ATP9A: variants seen among roughly 807,000 people sequenced by gnomAD.
The protein encoded by ATP9A is ATPase phospholipid transporting 9A, also known as probable phospholipid-transporting ATPase IIA.
Under a neutral mutation model 144.1 loss-of-function variants are expected in ATP9A, and 52 were observed. The ratio of observed to expected loss-of-function variants is 0.36; its 90% CI spans 0.29 to 0.45. The LOEUF is 0.45. Among genes scored for constraint, ATP9A ranks in the 20% least tolerant of loss-of-function variants. The pLI, the probability that ATP9A is intolerant of heterozygous loss-of-function variation, is 1.00. For missense variants in ATP9A, 947 were observed against 1,392.7 expected, an observed-to-expected ratio of 0.68 and a Z score of 5.09; for synonymous variants, 582 against 557.4, an observed-to-expected ratio of 1.04 and a Z score of -0.62.
At chr20:51,743,609 A>T (rs1237301882) in intron 1 of ATP9A, among the ~76,000 whole-genome samples, 1 of 149,396 alleles carries the variant, frequency 6.7e-6, no homozygotes, top group African/African-American at 2.4e-5. Flanking sequence ...CATATTGGTC[A>T]GGCTGGTCTG....
At chr20:51,633,496 A>G (rs2077278140) in intron 15 of ATP9A, among the ~76,000 whole-genome samples, 1 of 152,240 alleles carries the variant, frequency 6.6e-6, no homozygotes, top group African/African-American at 2.4e-5. Flanking sequence ...CTGTAATCCC[A>G]GTACTTAGGG....
intron 14 of ATP9A, among the ~76,000 whole-genome samples, chr20:51,644,267 C>CTTT (rs772071945): frequency 0.027 from 2,007 of 75,244 alleles, 38 homozygotes; most frequent in Non-Finnish European, 0.031. Context: ...TTACTTCTAG[C>CTTT]TTTTTTTTTT....
chr20:51,654,835 A>T (rs1568805157), intron 14 of ATP9A, among the ~76,000 whole-genome samples: 1 of 152,204 alleles, frequency 6.6e-6, no homozygotes, highest in Non-Finnish European at 1.5e-5. Context: ...CATGGCACAG[A>T]TCTGGAGGCA....
chr20:51,650,512 T>TTGTAATCCTA (rs1568803013), intron 14 of ATP9A, among the ~76,000 whole-genome samples: 7 of 150,310 alleles, frequency 4.7e-5, no homozygotes, highest in African/African-American at 1.5e-4. Flanking sequence ...CCAGCCTGGG[T>TTGTAATCCTA]GACAGAGTGA....
chr20:51,744,131 CCTG>C, intron 1 of ATP9A, among the ~76,000 whole-genome samples: 1 of 152,214 alleles, frequency 6.6e-6, no homozygotes, highest in South Asian at 2.1e-4. Flanking sequence ...TACACTGCTT[CCTG>C]CTTAGACCAT....
intron 9 of ATP9A, among the ~76,000 whole-genome samples, chr20:51,679,133 G>A (rs1294356145): frequency 6.6e-6 from 1 of 152,040 alleles, no homozygotes; most frequent in Non-Finnish European, 1.5e-5. Flanking sequence ...AGACCAGCCT[G>A]GCCAACATGG....
intron 9 of ATP9A, among the ~76,000 whole-genome samples, chr20:51,679,509 C>G (rs1351073836): frequency 2.6e-5 from 4 of 152,140 alleles, no homozygotes; most frequent in Non-Finnish European, 5.9e-5. Context: ...TTTAAATCCT[C>G]TGCCCAATTT....
intron 15 of ATP9A, 39 bp downstream of exon 15, chr20:51,639,304 G>A (rs376732262): frequency 6.5e-7 from 1 of 1,548,870 alleles, no homozygotes; most frequent in Non-Finnish European, 8.8e-7. Flanking sequence ...CACACCTGGG[G>A]TACTTAAGCA....
chr20:51,670,066 G>C lies in ATP9A; in HGVS notation c.1224C>G (p.Leu408=). The change falls in exon 13 of 28, where the codon CTC becomes CTG. Residue 408 remains leucine (L), a synonymous_variant. Coordinates refer to ENST00000338821, the MANE Select transcript of ATP9A (RefSeq NM_006045.3). ...AGTCGAGGCCGTAGGCTACTGTTCC[G>C]AGATGGAGCCGTTTGAAAATCATCT... ...QNEMIFKRLH[L]GTVAYGLDSM... The C allele has an allele frequency of 6.2e-7, 1 of 1,614,176 alleles. No homozygotes were observed. The highest frequency in any genetic ancestry group is 8.5e-7 in the Non-Finnish European group (1 of 1,180,022).
rs185814363 is a variant in ATP9A at position 51,606,836 on chromosome 20, C to T, written c.2803+691G>A. On this transcript the variant is annotated intron_variant, in intron 26 of 27. Transcript: ENST00000338821. ...GAGGCTACGGCGAGCCGTGATTGCTCCACTGAACTCCAGCCTGGGCAACAG... is the reference window on the plus strand; with the variant it reads ...GAGGCTACGGCGAGCCGTGATTGCTTCACTGAACTCCAGCCTGGGCAACAG... Among the ~76,000 whole-genome samples the T allele has an allele frequency of 2.9e-3, 441 of 152,078 alleles. 1 individual carries two copies. Among genetic ancestry groups the T allele is most frequent in the Non-Finnish European group, 4.9e-3 (331 of 67,982 alleles).
At chr20:51,658,517 T>C (rs2077396617) in intron 13 of ATP9A, among the ~76,000 whole-genome samples, 1 of 17,494 alleles carries the variant, frequency 5.7e-5, no homozygotes. Context: ...CTATGCTTCC[T>C]TTTTTTTTTT....
intron 16 of ATP9A, among the ~76,000 whole-genome samples, chr20:51,628,069 G>A (rs1490638610): frequency 6.6e-6 from 1 of 152,178 alleles, no homozygotes; most frequent in African/African-American, 2.4e-5. Context: ...TGGCCTCCAC[G>A]TGTTCCCAGG....
At chr20:51,764,774 T>G (rs1349329716) in intron 1 of ATP9A, among the ~76,000 whole-genome samples, 1 of 151,560 alleles carries the variant, frequency 6.6e-6, no homozygotes, top group Non-Finnish European at 1.5e-5. Flanking sequence ...CAGGCTGGAG[T>G]GCAGTGGTAC....
chr20:51,672,597 A>G (rs2077460639), intron 11 of ATP9A, among the ~76,000 whole-genome samples: 1 of 152,186 alleles, frequency 6.6e-6, no homozygotes, highest in Admixed American at 6.6e-5. Flanking sequence ...CAAAACGACA[A>G]TCTCTGTCCC....
intron 14 of ATP9A, among the ~76,000 whole-genome samples, chr20:51,651,159 T>C (rs2077362771): frequency 1.4e-5 from 2 of 140,078 alleles, no homozygotes; most frequent in Admixed American, 1.5e-4. Flanking sequence ...TCTCCATATA[T>C]ATATATACAC....
In ATP9A at chr20:51,635,802, G is replaced by GAGGGAGGAAGGGAGGAAGGAAGGA. The variant is rs774111834; in HGVS notation, c.1668+3540_1668+3541insTCCTTCCTTCCTCCCTTCCTCCCT. On this transcript the variant is annotated intron_variant, in intron 15 of 27. Transcript: ENST00000338821. The stretch of plus-strand genomic sequence containing the variant: ...AAAGGAAGGAAACAGAGGAGGGGAG[G>GAGGGAGGAAGGGAGGAAGGAAGGA]AGGAAGGAAGGAAGGAAGGAAGGGA... Among the ~76,000 whole-genome samples the GAGGGAGGAAGGGAGGAAGGAAGGA allele has an allele frequency of 1.2e-3, 54 of 46,694 alleles. No individual in the cohort carries two copies. The East Asian group carries it at 0.014, about 12-fold the overall frequency. 30.6% of individuals were successfully genotyped at this position (46,694 alleles called of 152,430 possible). A position where few individuals can be genotyped will look rare whatever the true frequency, so the allele number is the denominator to read the frequency against.
chr20:51,706,587 A>G lies in ATP9A; in HGVS notation c.436+6379T>C, dbSNP rs956456783. ...ACTGGCCTGGTAACTTCATCTCTATAAAGAATTAAAAAGTTAGCCAGGTAT... is the reference window on the plus strand; with the variant it reads ...ACTGGCCTGGTAACTTCATCTCTATGAAGAATTAAAAAGTTAGCCAGGTAT... On this transcript the variant is annotated intron_variant, in intron 4 of 27. Transcript: ENST00000338821. Among the ~76,000 whole-genome samples the G allele has an allele frequency of 2.0e-5, 3 of 152,176 alleles. No homozygotes were observed. In the South Asian group the frequency reaches 6.2e-4, roughly 31 times the overall value.
chr20:51,749,286 G>A (rs891902088), intron 1 of ATP9A, among the ~76,000 whole-genome samples: 12 of 151,494 alleles, frequency 7.9e-5, no homozygotes, highest in East Asian at 3.9e-4. Context: ...TTTTTGAGAC[G>A]GAGTCTCACT....
chr20:51,605,914 A>G (rs1601050809), intron 26 of ATP9A, among the ~76,000 whole-genome samples: 1 of 143,052 alleles, frequency 7.0e-6, no homozygotes, highest in African/African-American at 2.5e-5. Flanking sequence ...CTCTGTTACA[A>G]AAAAAAAAAA....
Sources: gnomAD v4.1 joint callset for allele counts (sites outside exome capture counted in the v4.1 genomes callset) on GRCh38, gnomAD v4.1.1 for gene constraint, MANE v1.5 for transcripts, NCBI Gene and HGNC (gene_info 2026-07-23, HGNC 2026-07-21) for gene names.